Variants in CD96 observed in about 807,000 individuals in gnomAD.
CD96 encodes T-cell surface protein tactile.
CD96 carries 70 observed loss-of-function variants against 71.3 expected under a neutral mutation model. That is an observed-to-expected ratio of 0.98 (90% CI 0.81 to 1.20). The LOEUF (loss-of-function observed/expected upper bound fraction) is 1.20, where lower values mean the gene tolerates loss of function less well. Ranked by LOEUF, CD96 falls within the 50% of genes most tolerant of loss-of-function variation. CD96 has a pLI of 0.00. For missense variants in CD96, 742 were observed against 677.5 expected (o/e 1.10, Z -1.06); for synonymous variants, 248 against 233.0 (o/e 1.06, Z -0.59).
intron 8 of CD96, among the ~76,000 whole-genome samples, chr3:111,607,548 C>A (rs141322702): frequency 2.0e-5 from 3 of 152,268 alleles, no homozygotes; most frequent in African/African-American, 7.2e-5. Flanking sequence ...TACACAAAAG[C>A]TTATATTCTA....
chr3:111,617,138 A>G (rs1320509160), intron 8 of CD96, among the ~76,000 whole-genome samples: 2 of 152,134 alleles, frequency 1.3e-5, no homozygotes, highest in African/African-American at 4.8e-5. Flanking sequence ...GCAGGTGGAG[A>G]TGGGCTGAGG....
intron 5 of CD96, among the ~76,000 whole-genome samples, chr3:111,586,840 A>C (rs1936737115): frequency 6.6e-6 from 1 of 152,172 alleles, no homozygotes; most frequent in African/African-American, 2.4e-5. Context: ...ACACAGCCAA[A>C]CCATATCATT....
At chr3:111,589,250 T>A (rs114094523) in intron 5 of CD96, among the ~76,000 whole-genome samples, 8,203 of 152,262 alleles carry the variant, frequency 0.054, 296 homozygotes, top group South Asian at 0.099. Context: ...ATGCCCGGCC[T>A]GTTTTTGTTT....
At chr3:111,584,786 C>CA (rs1936631346) in intron 4 of CD96, among the ~76,000 whole-genome samples, 1 of 152,152 alleles carries the variant, frequency 6.6e-6, no homozygotes, top group Admixed American at 6.5e-5. Flanking sequence ...AGATACAATT[C>CA]AAGTTGAGAT....
chr3:111,612,136 A>G (rs914153929), intron 8 of CD96, among the ~76,000 whole-genome samples: 3 of 152,246 alleles, frequency 2.0e-5, no homozygotes, highest in Non-Finnish European at 4.4e-5. Context: ...GGAAAATGTC[A>G]GGAAAACAGC....
At chr3:111,595,793 A>G (rs1937229171) in intron 5 of CD96, among the ~76,000 whole-genome samples, 1 of 152,004 alleles carries the variant, frequency 6.6e-6, no homozygotes, top group South Asian at 2.1e-4. Context: ...AAACCTACCA[A>G]GAGGAGATAG....
rs540275158 is a variant in CD96 at position 111,544,524 on chromosome 3, T to C, written c.62-522T>C. On this transcript the variant is annotated intron_variant, in intron 1 of 13. Coordinates refer to ENST00000352690, the MANE Select transcript of CD96 (RefSeq NM_005816.5). The stretch of plus-strand genomic sequence containing the variant: ...ATAAAAAGGGGTTAACAACATCACC[T>C]ATGGCGTGTGAGGGGGATTAAACAA... Among the ~76,000 whole-genome samples the C allele has an allele frequency of 7.2e-5, 11 of 152,298 alleles. No individual in the cohort carries two copies. The South Asian group carries it at 1.0e-3, about 14-fold the overall frequency.
chr3:111,619,856 A>C (rs1938435214), intron 8 of CD96, among the ~76,000 whole-genome samples: 1 of 152,242 alleles, frequency 6.6e-6, no homozygotes, highest in African/African-American at 2.4e-5. Context: ...CTAAGAAATA[A>C]GCAGTGTTGC....
Position 111,651,886 on chromosome 3 carries a change from A to G in CD96, c.*2080A>G, listed in dbSNP as rs889700920. On this transcript the variant is annotated 3_prime_UTR_variant, in exon 14 of 14. Coordinates refer to ENST00000352690, the MANE Select transcript of CD96 (RefSeq NM_005816.5). ...GTGAAAGACCGAGACTCCGCCTCAAAAAAAAAAAAAAAAGAAAGAAAGAAA... is the reference window on the plus strand; with the variant it reads ...GTGAAAGACCGAGACTCCGCCTCAAGAAAAAAAAAAAAAGAAAGAAAGAAA... 2.1e-5 allele frequency: 3 copies of G among 144,462 alleles called. No individual in the cohort carries two copies. Among genetic ancestry groups the G allele is most frequent in the African/African-American group, 7.4e-5 (3 of 40,458 alleles). The allele number at this position is 144,462 out of a possible 1,614,324, so 8.9% of individuals were successfully genotyped here. A position where few individuals can be genotyped will look rare whatever the true frequency, so the allele number is the denominator to read the frequency against.
chr3:111,564,168 T>C (rs1172201234), intron 2 of CD96, among the ~76,000 whole-genome samples: 1 of 152,042 alleles, frequency 6.6e-6, no homozygotes, highest in Admixed American at 6.5e-5. Context: ...GTGCAGTTTC[T>C]AGTCATTTTA....
intron 12 of CD96, among the ~76,000 whole-genome samples, chr3:111,638,943 T>C (rs1055419563): frequency 6.6e-6 from 1 of 152,308 alleles, no homozygotes; most frequent in African/African-American, 2.4e-5. Context: ...GTGAAGGCAG[T>C]GGTCTCATTT....
intron 5 of CD96, among the ~76,000 whole-genome samples, chr3:111,592,577 C>G (rs1206131939): frequency 1.3e-5 from 2 of 152,178 alleles, no homozygotes; most frequent in African/African-American, 2.4e-5. Context: ...AGCACTGTCT[C>G]TCTTCCCCAT....
intron 3 of CD96, chr3:111,571,005 T>A: frequency 6.9e-7 from 1 of 1,456,766 alleles, no homozygotes; most frequent in Non-Finnish European, 9.6e-7. Flanking sequence ...CTCCTGCTCC[T>A]CCAGCTTCTC....
rs1252189334 is a variant in CD96, at chr3:111,649,735, C to T, written c.1639C>T (p.Pro547Ser). 1.2e-6 allele frequency: 2 copies of T among 1,614,012 alleles called. No homozygotes were observed. Among genetic ancestry groups the T allele is most frequent in the Admixed American group, 3.3e-5 (2 of 60,028 alleles). Residue 547 changes from proline (P) to serine (S), a missense_variant, in exon 14 of 14, where the codon CCC (proline) becomes TCC (serine). Transcript: ENST00000352690. ...RPPPFKPPPP[P>S]IKYTCIQEPN... ...TCCACCTTTCAAGCCACCACCACCT[C>T]CCATCAAGTACACTTGCATTCAAGA...
chr3:111,630,046 C>G lies in CD96; in HGVS notation c.1321+5642C>G, dbSNP rs552437235. ...AAGGAAATCGATAGCACTAAATGCT[C>G]ACATCAAAAAGCTAGAAAAATCTCA... On this transcript the variant is annotated intron_variant, in intron 10 of 13. Transcript: ENST00000352690. 7.9e-4 allele frequency among the ~76,000 whole-genome samples: 121 copies of G among 152,206 alleles called. No individual in the cohort carries two copies. In the Middle Eastern group the frequency reaches 0.01, roughly 13 times the overall value.
intron 10 of CD96, among the ~76,000 whole-genome samples, chr3:111,636,476 A>G (rs1484628122): frequency 6.6e-6 from 1 of 152,224 alleles, no homozygotes; most frequent in African/African-American, 2.4e-5. Flanking sequence ...TTTACTTTAC[A>G]TTGCACTGCA....
intron 10 of CD96, among the ~76,000 whole-genome samples, chr3:111,625,423 G>A (rs761930331): frequency 3.9e-5 from 6 of 151,942 alleles, no homozygotes; most frequent in African/African-American, 9.7e-5. Flanking sequence ...CCAAATATAA[G>A]AATTGAAAAG....
intron 8 of CD96, among the ~76,000 whole-genome samples, chr3:111,618,268 A>G (rs80032047): frequency 8.6e-4 from 131 of 152,368 alleles, no homozygotes; most frequent in African/African-American, 3.1e-3. Flanking sequence ...CTCAGGCAGA[A>G]GGTGCCACTG....
chr3:111,633,625 G>A (rs567206569), intron 10 of CD96: 1 of 152,356 alleles, frequency 6.6e-6, no homozygotes, highest in Non-Finnish European at 1.5e-5. Context: ...TAAGGCATAA[G>A]CCCCATACTT....
Sources: allele counts gnomAD v4.1 joint callset (sites outside exome capture counted in the v4.1 genomes callset), GRCh38; gene constraint gnomAD v4.1.1; transcripts MANE v1.5; gene names NCBI Gene and HGNC (gene_info 2026-07-23, HGNC 2026-07-21).